The following IMMP2L variants were observed in gnomAD, a reference collection of about 807,000 sequenced individuals.
IMMP2L encodes the protein mitochondrial inner membrane protease subunit 2.
A neutral mutation model predicts 19.3 loss-of-function variants in IMMP2L; 18 were observed. The ratio of observed to expected loss-of-function variants is 0.93; its 90% CI spans 0.64 to 1.38. The LOEUF is 1.38. IMMP2L is among the 40% of genes most tolerant of loss of function. The probability of loss-of-function intolerance (pLI) is 0.00; values close to 1 mark genes in which losing one functional copy is unlikely to be tolerated. For synonymous variants in IMMP2L, 76 were observed against 73.0 expected (o/e 1.04, Z -0.21); for missense variants, 233 against 218.2 (o/e 1.07, Z -0.43).
intron 5 of IMMP2L, among the ~76,000 whole-genome samples, chr7:110,812,702 A>G (rs747360959): frequency 5.3e-5 from 8 of 152,006 alleles, no homozygotes; most frequent in Admixed American, 1.3e-4. Context: ...AAGACAGAGA[A>G]GAAGGGAAAA....
chr7:111,262,548 A>C (rs1817426462), intron 3 of IMMP2L, among the ~76,000 whole-genome samples: 1 of 152,100 alleles, frequency 6.6e-6, no homozygotes, highest in African/African-American at 2.4e-5. Flanking sequence ...CTTCTAAGTA[A>C]ATACACTAAC....
At chr7:111,318,862 T>C (rs556736805) in intron 3 of IMMP2L, among the ~76,000 whole-genome samples, 39 of 152,266 alleles carry the variant, frequency 2.6e-4, no homozygotes, top group African/African-American at 8.9e-4. Flanking sequence ...CAAGCTAATA[T>C]ACTGTCTATT....
intron 5 of IMMP2L, among the ~76,000 whole-genome samples, chr7:110,680,480 C>T (rs534051041): frequency 6.6e-6 from 1 of 152,096 alleles, no homozygotes. Context: ...CAAAATAAAG[C>T]ATAATAAAAG....
intron 5 of IMMP2L, among the ~76,000 whole-genome samples, chr7:110,886,336 C>T (rs1810218778): frequency 1.3e-5 from 2 of 151,918 alleles, no homozygotes; most frequent in Non-Finnish European, 2.9e-5. Flanking sequence ...GGTAGTTGGC[C>T]AAAAGCATTT....
chr7:111,512,632 A>G (rs1377872930), intron 2 of IMMP2L, among the ~76,000 whole-genome samples: 1 of 152,164 alleles, frequency 6.6e-6, no homozygotes, highest in African/African-American at 2.4e-5. Context: ...ATGGAACCAC[A>G]AAAGACCCTG....
At chr7:111,418,531 T>G (rs1835164046) in intron 3 of IMMP2L, among the ~76,000 whole-genome samples, 1 of 151,772 alleles carries the variant, frequency 6.6e-6, no homozygotes, top group Non-Finnish European at 1.5e-5. Context: ...TACAAAAAGC[T>G]CACACCTCAC....
At chr7:110,769,135 T>C (rs1301834186) in intron 5 of IMMP2L, among the ~76,000 whole-genome samples, 3 of 152,182 alleles carry the variant, frequency 2.0e-5, no homozygotes, top group African/African-American at 7.2e-5. Context: ...TCGCAGCACA[T>C]TTCTTCTGCT....
intron 3 of IMMP2L, among the ~76,000 whole-genome samples, chr7:111,107,553 A>C (rs1473970867): frequency 6.6e-6 from 1 of 152,154 alleles, no homozygotes; most frequent in Non-Finnish European, 1.5e-5. Flanking sequence ...ATGAATAAAA[A>C]GATTCTGTGC....
chr7:111,427,732 C>T (rs755306239), intron 3 of IMMP2L, among the ~76,000 whole-genome samples: 4 of 151,564 alleles, frequency 2.6e-5, no homozygotes, highest in Non-Finnish European at 5.9e-5. Flanking sequence ...TTCCATTATG[C>T]CAAAAAATTA....
chr7:111,474,156 C>T (rs1038703478), intron 3 of IMMP2L, among the ~76,000 whole-genome samples: 1 of 151,990 alleles, frequency 6.6e-6, no homozygotes, highest in Non-Finnish European at 1.5e-5. Flanking sequence ...CAATAATAGA[C>T]ACTGGGGACT....
intron 5 of IMMP2L, among the ~76,000 whole-genome samples, chr7:110,844,662 G>C (rs944126654): frequency 2.7e-4 from 18 of 66,258 alleles, no homozygotes; most frequent in Non-Finnish European, 4.4e-4. Context: ...GACAGAGTGG[G>C]AGATAAAGCA....
Position 110,998,645 on chromosome 7 carries a change from G to C in IMMP2L, c.240-35080C>G, listed in dbSNP as rs147824917. On this transcript the variant is annotated intron_variant, in intron 3 of 5. Transcript: ENST00000405709. ...ACATGGCATCCCTCACATCCCCTTA[G>C]AGGGAATGACTGGAAAGTTGGACTC... Among the ~76,000 whole-genome samples, 8 of 152,288 alleles carry C rather than the reference G, an allele frequency of 5.3e-5. No individual in the cohort carries two copies. In the East Asian group the frequency reaches 1.5e-3, roughly 29 times the overall value.
chr7:110,790,815 T>G (rs1800413032), intron 5 of IMMP2L, among the ~76,000 whole-genome samples: 1 of 151,726 alleles, frequency 6.6e-6, no homozygotes, highest in African/African-American at 2.4e-5. Flanking sequence ...AGTAAATTCT[T>G]TGATTCTCAG....
chr7:111,526,339 C>T (rs1367967593), intron 1 of IMMP2L, among the ~76,000 whole-genome samples: 3 of 152,122 alleles, frequency 2.0e-5, no homozygotes, highest in African/African-American at 4.8e-5. Flanking sequence ...TTAATAACCA[C>T]TCATATGTTA....
intron 4 of IMMP2L, among the ~76,000 whole-genome samples, chr7:110,913,973 C>T (rs902524342): frequency 1.3e-5 from 2 of 152,096 alleles, no homozygotes; most frequent in African/African-American, 4.8e-5. Context: ...ATTTGGCAAA[C>T]TTTCTCAACA....
At chr7:110,776,128 A>G (rs1799369520) in intron 5 of IMMP2L, among the ~76,000 whole-genome samples, 1 of 152,038 alleles carries the variant, frequency 6.6e-6, no homozygotes, top group African/African-American at 2.4e-5. Context: ...TCTAATGTAC[A>G]CCCTATGGAT....
chr7:110,741,416 T>G (rs1584681640), intron 5 of IMMP2L, among the ~76,000 whole-genome samples: 1 of 152,346 alleles, frequency 6.6e-6, no homozygotes, highest in East Asian at 1.9e-4. Flanking sequence ...AGGAGGTAAT[T>G]ATGCCATGAG....
chr7:110,783,189 A>C (rs768444238), intron 5 of IMMP2L, among the ~76,000 whole-genome samples: 7 of 151,874 alleles, frequency 4.6e-5, no homozygotes, highest in Non-Finnish European at 5.9e-5. Context: ...AAATGATAGC[A>C]TGCTAATAAG....
chr7:111,458,800 T>C (rs1839896547), intron 3 of IMMP2L, among the ~76,000 whole-genome samples: 1 of 152,198 alleles, frequency 6.6e-6, no homozygotes, highest in South Asian at 2.1e-4. Flanking sequence ...TTAGCCTTTA[T>C]TTTTAACCAG....
Sources: allele counts gnomAD v4.1 joint callset (sites outside exome capture counted in the v4.1 genomes callset), GRCh38; gene constraint gnomAD v4.1.1; transcripts MANE v1.5; gene names NCBI Gene and HGNC (gene_info 2026-07-23, HGNC 2026-07-21).